Variants in NRCAM observed in about 807,000 individuals in gnomAD.
NRCAM encodes neuronal cell adhesion molecule, also known as NgCAM-related cell adhesion molecule.
Under a neutral mutation model 156.5 loss-of-function variants are expected in NRCAM, and 83 were observed. The observed-to-expected ratio is 0.53, with a 90% CI of 0.44 to 0.64. NRCAM has a LOEUF of 0.64. NRCAM is among the 30% of genes least tolerant of loss of function. NRCAM has a pLI of 0.00. For synonymous variants in NRCAM, 538 were observed against 563.9 expected (o/e 0.95, Z 0.65); for missense variants, 1,417 against 1,597.3 (o/e 0.89, Z 1.92).
chr7:108,338,434 G>C (rs767220449), intron 2 of NRCAM, among the ~76,000 whole-genome samples: 2 of 151,696 alleles, frequency 1.3e-5, no homozygotes, highest in Admixed American at 6.6e-5. Context: ...AGGGAGTCTT[G>C]TCCCTGATGT....
At chr7:108,327,411 T>A (rs530005603) in intron 2 of NRCAM, among the ~76,000 whole-genome samples, 3 of 152,278 alleles carry the variant, frequency 2.0e-5, no homozygotes, top group Admixed American at 2.0e-4. Context: ...ATCAAAAATC[T>A]GAACAGAAAT....
At chr7:108,215,212 AT>A (rs71137615) in intron 11 of NRCAM, among the ~76,000 whole-genome samples, 2,796 of 126,486 alleles carry the variant, frequency 0.022, 65 homozygotes, top group African/African-American at 0.067. Flanking sequence ...GTGTCCCACT[AT>A]TTTTTTTTTT....
intron 3 of NRCAM, among the ~76,000 whole-genome samples, chr7:108,278,644 C>T (rs1159072807): frequency 6.6e-6 from 1 of 152,212 alleles, no homozygotes; most frequent in East Asian, 1.9e-4. Context: ...CATACCGTTC[C>T]TCCAGATACA....
chr7:108,195,253 T>C (rs1471941184), intron 15 of NRCAM, among the ~76,000 whole-genome samples: 1 of 152,202 alleles, frequency 6.6e-6, no homozygotes, highest in Non-Finnish European at 1.5e-5. Flanking sequence ...TGCTGCTAAA[T>C]AGATTATACA....
chr7:108,300,160 C>CTTTT (rs10665036), intron 3 of NRCAM, among the ~76,000 whole-genome samples: 733 of 65,856 alleles, frequency 0.011, 70 homozygotes, highest in African/African-American at 0.025. Flanking sequence ...TTTCTGTTGA[C>CTTTT]TTTTTTTTTT....
At chr7:108,348,689 G>A (rs976258862) in intron 2 of NRCAM, among the ~76,000 whole-genome samples, 1 of 152,070 alleles carries the variant, frequency 6.6e-6, no homozygotes, top group Non-Finnish European at 1.5e-5. Context: ...CGAGGCAAGT[G>A]GATCACTGGA....
chr7:108,182,020 G>T (rs2153330570), intron 23 of NRCAM, 83 bp from the exon 24 acceptor site: 1 of 1,049,722 alleles, frequency 9.5e-7, no homozygotes, highest in Admixed American at 2.0e-5. Context: ...TAATAATTTT[G>T]GCTTGAAGCA....
chr7:108,261,023 G>C (rs2096869040), intron 3 of NRCAM, among the ~76,000 whole-genome samples: 1 of 152,048 alleles, frequency 6.6e-6, no homozygotes, highest in Non-Finnish European at 1.5e-5. Flanking sequence ...TCCTAAAGGG[G>C]GACACTGATG....
chr7:108,151,242 G>T (rs1467062582), intron 32 of NRCAM, among the ~76,000 whole-genome samples: 1 of 131,700 alleles, frequency 7.6e-6, no homozygotes, highest in Non-Finnish European at 1.5e-5. Context: ...GGCAATGACA[G>T]GATCTAACAT....
chr7:108,307,174 A>C (rs1001240728), intron 3 of NRCAM, among the ~76,000 whole-genome samples: 1 of 152,240 alleles, frequency 6.6e-6, no homozygotes, highest in Non-Finnish European at 1.5e-5. Context: ...CAAAAGACCC[A>C]TGTGTAAAAG....
At chr7:108,171,246 T>C (rs1488692561) in intron 28 of NRCAM, among the ~76,000 whole-genome samples, 5 of 150,778 alleles carry the variant, frequency 3.3e-5, no homozygotes, top group African/African-American at 4.8e-5. Flanking sequence ...ACCGCCAGTG[T>C]AGTTACCTAC....
chr7:108,289,145 G>A (rs2098203413), intron 3 of NRCAM, among the ~76,000 whole-genome samples: 2 of 151,980 alleles, frequency 1.3e-5, no homozygotes, highest in Non-Finnish European at 2.9e-5. Context: ...AAAGAATTCG[G>A]TATTCCATTA....
intron 13 of NRCAM, among the ~76,000 whole-genome samples, chr7:108,201,262 C>T (rs2077945362): frequency 6.6e-6 from 1 of 151,580 alleles, no homozygotes; most frequent in Admixed American, 6.6e-5. Context: ...AGGGCACTCT[C>T]GGTGCCCACC....
intron 3 of NRCAM, among the ~76,000 whole-genome samples, chr7:108,294,577 T>C (rs1342130573): frequency 1.3e-5 from 2 of 152,210 alleles, no homozygotes; most frequent in Non-Finnish European, 2.9e-5. Flanking sequence ...AACGAATGCA[T>C]TTGAACCAAG....
At chr7:108,290,710 T>C (rs77170877) in intron 3 of NRCAM, among the ~76,000 whole-genome samples, 1 of 152,302 alleles carries the variant, frequency 6.6e-6, no homozygotes, top group African/African-American at 2.4e-5. Context: ...GAAAATGAAC[T>C]GTAATCGTTT....
At chr7:108,156,024 G>T (rs1467864321) in intron 32 of NRCAM, among the ~76,000 whole-genome samples, 1 of 151,976 alleles carries the variant, frequency 6.6e-6, no homozygotes, top group Non-Finnish European at 1.5e-5. Flanking sequence ...TTTTCCTGTT[G>T]TTACCACCCT....
intron 2 of NRCAM, among the ~76,000 whole-genome samples, chr7:108,335,285 C>A (rs1466272594): frequency 6.6e-6 from 1 of 152,068 alleles, no homozygotes; most frequent in Non-Finnish European, 1.5e-5. Context: ...AATGCTTCTG[C>A]CACTGATGTA....
At chr7:108,360,398 G>A (rs923809358) in intron 2 of NRCAM, among the ~76,000 whole-genome samples, 1 of 152,138 alleles carries the variant, frequency 6.6e-6, no homozygotes, top group East Asian at 1.9e-4. Flanking sequence ...GAAGGAGCAG[G>A]AATAAATACA....
chr7:108,303,446 C>T (rs952624650), intron 3 of NRCAM, among the ~76,000 whole-genome samples: 1 of 152,164 alleles, frequency 6.6e-6, no homozygotes, highest in African/African-American at 2.4e-5. Flanking sequence ...CATCTCTAGC[C>T]TCCTACTGGT....
Sources: gnomAD v4.1 joint callset for allele counts (sites outside exome capture counted in the v4.1 genomes callset) on GRCh38, gnomAD v4.1.1 for gene constraint, MANE v1.5 for transcripts, NCBI Gene and HGNC (gene_info 2026-07-23, HGNC 2026-07-21) for gene names.